Variants in ANOS1 observed in about 807,000 individuals in gnomAD.
The protein encoded by ANOS1 is anosmin 1, also known as anosmin-1.
A neutral mutation model predicts 59.0 loss-of-function variants in ANOS1; 6 were observed. That is an observed-to-expected ratio of 0.10 (90% confidence interval 0.06 to 0.20). The LOEUF is 0.20. ANOS1 is among the 10% of genes least tolerant of loss of function. The probability of loss-of-function intolerance (pLI) is 1.00; values close to 1 mark genes in which losing one functional copy is unlikely to be tolerated. For missense variants in ANOS1, 433 were observed against 542.3 expected (o/e 0.80, Z 2.00); for synonymous variants, 217 against 223.4 (o/e 0.97, Z 0.25).
intron 3 of ANOS1, among the ~76,000 whole-genome samples, chrX:8,617,610 G>A (rs1478157731): frequency 1.8e-5 from 2 of 110,109 alleles, no homozygotes; most frequent in Non-Finnish European, 1.9e-5. Flanking sequence ...GTGAAACCCC[G>A]TCTCTACTAA....
At chrX:8,618,964 T>G (rs1350166311) in intron 3 of ANOS1, among the ~76,000 whole-genome samples, 2 of 103,699 alleles carry the variant, frequency 1.9e-5, no homozygotes, top group East Asian at 6.3e-4. Flanking sequence ...TCCCAGCTAC[T>G]CAAGAGGCTG....
At chrX:8,719,863 G>A (rs1453682113) in intron 1 of ANOS1, among the ~76,000 whole-genome samples, 1 of 110,608 alleles carries the variant, frequency 9.0e-6, no homozygotes, top group Non-Finnish European at 1.9e-5. Flanking sequence ...CAAAACAAAA[G>A]GGTAAACAGA....
chrX:8,538,121 C>T (rs1458514677), intron 10 of ANOS1, among the ~76,000 whole-genome samples: 9 of 111,021 alleles, frequency 8.1e-5, no homozygotes, highest in Non-Finnish European at 1.7e-4. Context: ...CAACGCAAGA[C>T]CAACCCAAGC....
intron 6 of ANOS1, among the ~76,000 whole-genome samples, chrX:8,576,460 A>G (rs1373546363): frequency 3.0e-5 from 3 of 98,864 alleles, no homozygotes; most frequent in Non-Finnish European, 5.9e-5. Context: ...AAATTTATAT[A>G]TATATATACA....
At chrX:8,577,105 T>C (rs1021086582) in intron 6 of ANOS1, among the ~76,000 whole-genome samples, 1 of 112,005 alleles carries the variant, frequency 8.9e-6, no homozygotes, top group Non-Finnish European at 1.9e-5. Context: ...GGCCACAGAC[T>C]GCTCTCCCCT....
At chrX:8,585,674 G>A (rs1405811955) in intron 5 of ANOS1, among the ~76,000 whole-genome samples, 1 of 112,245 alleles carries the variant, frequency 8.9e-6, no homozygotes, top group African/African-American at 3.2e-5. Context: ...TACAGCATTT[G>A]AGATATTCAA....
chrX:8,732,033 C>T lies in ANOS1; in HGVS notation c.4G>A (p.Val2Met). 1.0e-6 allele frequency: 1 copy of T among 984,488 alleles called. No individual in the cohort carries two copies. The highest frequency in any genetic ancestry group is 1.3e-6 in the Non-Finnish European group (1 of 783,279). 81.1% of individuals were successfully genotyped at this position (984,488 alleles called of 1,213,427 possible). A position where few individuals can be genotyped will look rare whatever the true frequency, so the allele number is the denominator to read the frequency against. Residue 2 changes from valine (V) to methionine (M), a missense_variant, in exon 1 of 14, where the codon GTG becomes ATG. Transcript: ENST00000262648. M[V>M]PGVPGAVLTL... Reference sequence around the variant, plus strand: ...AGGACCGCGCCGGGCACCCCGGGCACCATGGCTGCGGGTCGAGGGCGAGGG... The same window carrying T: ...AGGACCGCGCCGGGCACCCCGGGCATCATGGCTGCGGGTCGAGGGCGAGGG...
intron 2 of ANOS1, among the ~76,000 whole-genome samples, chrX:8,684,268 C>T (rs946640532): frequency 6.3e-5 from 7 of 111,412 alleles, no homozygotes; most frequent in African/African-American, 1.3e-4. Flanking sequence ...CAGGGCTTCC[C>T]GGTCATCAGG....
intron 2 of ANOS1, among the ~76,000 whole-genome samples, chrX:8,676,973 C>T (rs7887876): frequency 0.038 from 4,253 of 111,518 alleles, 210 homozygotes; most frequent in African/African-American, 0.13. Flanking sequence ...TTCCCTGCTC[C>T]CAGTCCTCCT....
At position 8,724,366 on chromosome X, in the gene ANOS1, T is replaced by G. The variant is rs752743272; in HGVS notation, c.207+7464A>C. Among the ~76,000 whole-genome samples, 10 of 111,735 alleles carry G rather than the reference T, an allele frequency of 8.9e-5. No homozygotes were observed. In the South Asian group the frequency reaches 3.0e-3, roughly 33 times the overall value. The stretch of plus-strand genomic sequence containing the variant: ...TTGGGGCGGAGAGAAAAGCTCTCAG[T>G]AGAAGAGGGAAGAGAGGAAGCAGGA... On this transcript the variant is annotated intron_variant, in intron 1 of 13. Transcript: ENST00000262648.
intron 8 of ANOS1, among the ~76,000 whole-genome samples, chrX:8,554,542 G>GTTTTGTTT (rs1929911767): frequency 2.0e-5 from 1 of 50,826 alleles, no homozygotes; most frequent in African/African-American, 8.3e-5. Flanking sequence ...GGCTACAGGA[G>GTTTTGTTT]TTTTTTTTTT....
chrX:8,614,110 T>G (rs1296470884), intron 3 of ANOS1, among the ~76,000 whole-genome samples: 1 of 111,562 alleles, frequency 9.0e-6, no homozygotes, highest in Non-Finnish European at 1.9e-5. Context: ...TGCATGAGTT[T>G]CTCCCTCTCC....
rs1199830404 is a variant in ANOS1 at position 8,725,693 on chromosome X, TAC to T, written c.207+6135_207+6136del. Among the ~76,000 whole-genome samples the T allele has an allele frequency of 1.6e-4, 8 of 49,332 alleles. 1 individual carries two copies. The highest frequency in any genetic ancestry group is 8.6e-4 in the African/African-American group (8 of 9,283). The allele number at this position is 49,332 out of a possible 115,157, so 42.8% of individuals were successfully genotyped here. A position where few individuals can be genotyped will look rare whatever the true frequency, so the allele number is the denominator to read the frequency against. On this transcript the variant is annotated intron_variant, in intron 1 of 13. Coordinates refer to ENST00000262648, the MANE Select transcript of ANOS1 (RefSeq NM_000216.4). ...ATATATATATACAGATATATATATA[TAC>T]AGATATATATATACAGATATATATA...
At chrX:8,621,748 T>C (rs1385161235) in intron 3 of ANOS1, among the ~76,000 whole-genome samples, 1 of 111,635 alleles carries the variant, frequency 9.0e-6, no homozygotes, top group Non-Finnish European at 1.9e-5. Context: ...TAGAGTAAGT[T>C]GGTTTTGCAG....
intron 2 of ANOS1, among the ~76,000 whole-genome samples, chrX:8,656,683 A>G (rs1262823563): frequency 1.8e-5 from 2 of 111,565 alleles, no homozygotes; most frequent in African/African-American, 3.3e-5. Flanking sequence ...TCTGCATGGC[A>G]TGGATCCCTG....
chrX:8,633,608 T>G (rs776178460), intron 2 of ANOS1, among the ~76,000 whole-genome samples: 6 of 111,872 alleles, frequency 5.4e-5, no homozygotes, highest in South Asian at 3.8e-4. Context: ...GTGCTAACTT[T>G]CCAGTGTAGA....
intron 2 of ANOS1, among the ~76,000 whole-genome samples, chrX:8,685,573 GGAAGGAAA>G (rs1932497334): frequency 1.2e-5 from 1 of 82,529 alleles, no homozygotes; most frequent in Non-Finnish European, 2.3e-5. Context: ...AAGGAAGGAA[GGAAGGAAA>G]GAAAGAGAAA....
In ANOS1 at chrX:8,713,601, CT is replaced by C. The variant is rs1324604447; in HGVS notation, c.208-13857del. 6.1e-4 allele frequency among the ~76,000 whole-genome samples: 65 copies of C among 106,881 alleles called. No individual in the cohort carries two copies. In the South Asian group the frequency reaches 0.023, roughly 38 times the overall value. 92.8% of individuals were successfully genotyped at this position (106,881 alleles called of 115,157 possible). The stretch of plus-strand genomic sequence containing the variant: ...TACACTCCAAATGTCTCCTTTCTTT[CT>C]TTTTTTTTTCTTTCTTTCTTTTTTT... On this transcript the variant is annotated intron_variant, in intron 1 of 13. Transcript: ENST00000262648.
At chrX:8,539,307 C>T (rs1929644209) in intron 10 of ANOS1, among the ~76,000 whole-genome samples, 1 of 110,197 alleles carries the variant, frequency 9.1e-6, no homozygotes, top group Non-Finnish European at 1.9e-5. Context: ...ACCTTTAGAT[C>T]ACGGTGACAT....
Sources: allele counts gnomAD v4.1 joint callset (sites outside exome capture counted in the v4.1 genomes callset), GRCh38; gene constraint gnomAD v4.1.1; transcripts MANE v1.5; gene names NCBI Gene and HGNC (gene_info 2026-07-23, HGNC 2026-07-21).